PTPRD: variants seen among roughly 807,000 people sequenced by gnomAD.
PTPRD encodes the protein receptor-type tyrosine-protein phosphatase delta.
In PTPRD, 34 loss-of-function variants were observed where a neutral mutation model predicts 214.5. The observed-to-expected ratio is 0.16, with a 90% CI of 0.12 to 0.21. The LOEUF (loss-of-function observed/expected upper bound fraction) is 0.21. Ranked by LOEUF, PTPRD falls within the 10% of genes least tolerant of loss-of-function variation. The pLI is 1.00. For missense variants in PTPRD, 2,545 were observed against 2,398.7 expected (o/e 1.06, Z -1.27); for synonymous variants, 1,128 against 845.7 (o/e 1.33, Z -5.79).
chr9:10,451,315 G>T lies in PTPRD; in HGVS notation c.-599-110298C>A, dbSNP rs189482277. ...TTGCTTATTTCCTTATTTCACTAGA[G>T]AATTAATTTCTGAAACAAAATGACT... On this transcript the variant is annotated intron_variant, in intron 2 of 45. Coordinates refer to ENST00000381196, the MANE Select transcript of PTPRD (RefSeq NM_002839.4). Among the ~76,000 whole-genome samples, 32 of 151,900 alleles carry T rather than the reference G, an allele frequency of 2.1e-4. 1 individual carries two copies. The highest frequency in any genetic ancestry group is 7.0e-4 in the African/African-American group (29 of 41,326).
chr9:8,544,158 C>T (rs1445575815), intron 14 of PTPRD, among the ~76,000 whole-genome samples: 1 of 145,530 alleles, frequency 6.9e-6, no homozygotes, highest in Non-Finnish European at 1.5e-5. Flanking sequence ...TAAGGTTTTG[C>T]CATTACTTTT....
rs147652938 is a variant in PTPRD at position 10,197,205 on chromosome 9, C to A, written c.-545+143758G>T. Among the ~76,000 whole-genome samples the A allele has an allele frequency of 4.5e-3, 680 of 152,184 alleles. 6 individuals are homozygous for A. The highest frequency in any genetic ancestry group is 0.015 in the African/African-American group (643 of 41,522). The stretch of plus-strand genomic sequence containing the variant: ...CCCCACCACTCCCTTTTGGCTCTAG[C>A]CTGACCTTTCCTCTTTTGATGCATT... On this transcript the variant is annotated intron_variant, in intron 3 of 45. Transcript: ENST00000381196.
intron 8 of PTPRD, among the ~76,000 whole-genome samples, chr9:9,425,902 T>G (rs1298672570): frequency 1.3e-5 from 2 of 151,996 alleles, no homozygotes; most frequent in Non-Finnish European, 2.9e-5. Flanking sequence ...ATAAAAAGAA[T>G]GAAATCAAAA....
At chr9:10,469,752 C>G (rs184548069) in intron 2 of PTPRD, among the ~76,000 whole-genome samples, 41 of 152,160 alleles carry the variant, frequency 2.7e-4, no homozygotes, top group African/African-American at 9.2e-4. Flanking sequence ...ATATATAGAA[C>G]CAACCCAAGT....
At chr9:10,267,020 C>G (rs547515034) in intron 3 of PTPRD, among the ~76,000 whole-genome samples, 162 of 151,844 alleles carry the variant, frequency 1.1e-3, no homozygotes, top group African/African-American at 3.7e-3. Context: ...GAAACCCCGT[C>G]TCTACTAAAA....
intron 11 of PTPRD, among the ~76,000 whole-genome samples, chr9:8,927,578 A>G (rs9299078): frequency 0.37 from 55,760 of 151,914 alleles, 10,323 homozygotes; most frequent in Middle Eastern, 0.42. Context: ...TGGTGTATAT[A>G]TGCCACATTT....
intron 11 of PTPRD, among the ~76,000 whole-genome samples, chr9:9,013,979 C>T (rs2099522612): frequency 6.6e-6 from 1 of 152,130 alleles, no homozygotes; most frequent in African/African-American, 2.4e-5. Context: ...TGAGTGCTCC[C>T]TCACTCTTGA....
chr9:8,508,629 A>G (rs866062526), intron 21 of PTPRD, among the ~76,000 whole-genome samples: 9 of 152,352 alleles, frequency 5.9e-5, no homozygotes, highest in South Asian at 2.1e-4. Context: ...AAAAACATCT[A>G]AAGTGTGCTT....
chr9:8,683,582 C>T (rs1370965763), intron 12 of PTPRD, among the ~76,000 whole-genome samples: 1 of 152,162 alleles, frequency 6.6e-6, no homozygotes, highest in East Asian at 1.9e-4. Context: ...ATTTAAAAGT[C>T]CTTCTTGCCA....
chr9:9,762,062 T>G (rs1438289044), intron 6 of PTPRD, among the ~76,000 whole-genome samples: 2 of 152,168 alleles, frequency 1.3e-5, no homozygotes, highest in East Asian at 3.8e-4. Context: ...TGTAGGCCAG[T>G]GTCCGAATCC....
At chr9:9,858,642 T>C (rs575181261) in intron 5 of PTPRD, among the ~76,000 whole-genome samples, 1 of 152,166 alleles carries the variant, frequency 6.6e-6, no homozygotes, top group Non-Finnish European at 1.5e-5. Flanking sequence ...ATTATTAGTA[T>C]AGGTAAACAA....
intron 10 of PTPRD, among the ~76,000 whole-genome samples, chr9:9,037,426 G>A (rs528231165): frequency 1.3e-5 from 2 of 152,222 alleles, no homozygotes; most frequent in African/African-American, 4.8e-5. Flanking sequence ...CCATTAAGAT[G>A]ACCTTCTCCA....
intron 5 of PTPRD, among the ~76,000 whole-genome samples, chr9:9,885,053 C>G (rs2070327246): frequency 6.6e-6 from 1 of 152,026 alleles, no homozygotes; most frequent in African/African-American, 2.4e-5. Context: ...GGCAGAAAGG[C>G]TAGTAAAACT....
intron 2 of PTPRD, among the ~76,000 whole-genome samples, chr9:10,538,962 G>A (rs2058495423): frequency 6.6e-6 from 1 of 151,962 alleles, no homozygotes; most frequent in Admixed American, 6.6e-5. Context: ...CATTTCCTGG[G>A]TCACCAGCCT....
At chr9:9,677,135 G>T (rs1250600405) in intron 7 of PTPRD, among the ~76,000 whole-genome samples, 7 of 152,058 alleles carry the variant, frequency 4.6e-5, no homozygotes, top group Non-Finnish European at 1.0e-4. Context: ...AGTTTAATTA[G>T]ATCCCATTTG....
At chr9:10,382,873 T>A (rs531509356) in intron 2 of PTPRD, among the ~76,000 whole-genome samples, 1 of 151,846 alleles carries the variant, frequency 6.6e-6, no homozygotes, top group Non-Finnish European at 1.5e-5. Context: ...AAGCTTCTGA[T>A]AGAATCTTCC....
chr9:10,458,985 GGT>G (rs1337781715), intron 2 of PTPRD, among the ~76,000 whole-genome samples: 1 of 152,076 alleles, frequency 6.6e-6, no homozygotes, highest in Non-Finnish European at 1.5e-5. Context: ...GTTCCGTGGT[GGT>G]TTGCTGCACC....
At chr9:9,563,390 T>A (rs898435004) in intron 8 of PTPRD, among the ~76,000 whole-genome samples, 4 of 152,194 alleles carry the variant, frequency 2.6e-5, no homozygotes, top group African/African-American at 9.7e-5. Flanking sequence ...CTTATTGTCA[T>A]GATCATCAAA....
chr9:10,355,781 G>A (rs1342877028), intron 2 of PTPRD, among the ~76,000 whole-genome samples: 1 of 151,966 alleles, frequency 6.6e-6, no homozygotes, highest in Non-Finnish European at 1.5e-5. Flanking sequence ...GCCGGCCGCT[G>A]CTATATTTCA....
Sources: allele counts gnomAD v4.1 joint callset (sites outside exome capture counted in the v4.1 genomes callset), GRCh38; gene constraint gnomAD v4.1.1; transcripts MANE v1.5; gene names NCBI Gene and HGNC (gene_info 2026-07-23, HGNC 2026-07-21).